RIN3: variants seen among roughly 807,000 people sequenced by gnomAD.
The protein encoded by RIN3 is RAB5 interacting protein 3.
RIN3 carries 54 observed loss-of-function variants against 76.3 expected under a neutral mutation model. The ratio of observed to expected loss-of-function variants is 0.71; its 90% CI spans 0.57 to 0.89. The LOEUF is 0.89. Ranked by LOEUF, RIN3 falls within the 40% of genes least tolerant of loss-of-function variation. RIN3 has a pLI of 0.00. For synonymous variants in RIN3, 576 were observed against 564.0 expected (o/e 1.02, Z -0.30); for missense variants, 1,256 against 1,322.1 (o/e 0.95, Z 0.78).
chr14:92,529,689 T>C (rs1244804949), intron 1 of RIN3, among the ~76,000 whole-genome samples: 1 of 152,236 alleles, frequency 6.6e-6, no homozygotes, highest in East Asian at 1.9e-4. Flanking sequence ...ACAAGTGTCC[T>C]TGTCGAGGTC....
intron 4 of RIN3, among the ~76,000 whole-genome samples, chr14:92,635,689 T>C (rs557395511): frequency 6.6e-6 from 1 of 151,896 alleles, no homozygotes; most frequent in African/African-American, 2.4e-5. Flanking sequence ...CCATCTCTAC[T>C]AAAAAATACA....
chr14:92,684,235 C>T (rs564000686), intron 8 of RIN3, among the ~76,000 whole-genome samples: 1 of 152,162 alleles, frequency 6.6e-6, no homozygotes, highest in East Asian at 1.9e-4. Flanking sequence ...CAAAAATTAG[C>T]CAGGCGTGGT....
At chr14:92,566,222 C>T (rs1897912329) in intron 2 of RIN3, among the ~76,000 whole-genome samples, 1 of 152,126 alleles carries the variant, frequency 6.6e-6, no homozygotes, top group Non-Finnish European at 1.5e-5. Flanking sequence ...CCTTCAGTTC[C>T]CACTGTGTTC....
At position 92,664,097 on chromosome 14, in the gene RIN3, C is replaced by T. The variant is rs187230503; in HGVS notation, c.2335+4628C>T. 2.5e-4 allele frequency among the ~76,000 whole-genome samples: 38 copies of T among 152,272 alleles called. No individual in the cohort carries two copies. The East Asian group carries it at 6.2e-3, about 25-fold the overall frequency. On this transcript the variant is annotated intron_variant, in intron 7 of 9. Coordinates refer to ENST00000216487, the MANE Select transcript of RIN3 (RefSeq NM_024832.5). ...CTCAGTGGTTTTCAAGATGGATTCC[C>T]CAAGGCACCCCAGGGGCCACCAAAG...
At chr14:92,593,265 A>G (rs970238606) in intron 3 of RIN3, among the ~76,000 whole-genome samples, 2 of 152,246 alleles carry the variant, frequency 1.3e-5, no homozygotes, top group Non-Finnish European at 2.9e-5. Context: ...GGGACCAAAG[A>G]ACAAGGACAA....
chr14:92,585,819 A>C (rs1348961590), intron 3 of RIN3, among the ~76,000 whole-genome samples: 1 of 152,084 alleles, frequency 6.6e-6, no homozygotes, highest in African/African-American at 2.4e-5. Flanking sequence ...GGGTTTCATC[A>C]TGTTGTGCAG....
At chr14:92,655,333 G>A (rs914618608) in intron 6 of RIN3, among the ~76,000 whole-genome samples, 3 of 152,230 alleles carry the variant, frequency 2.0e-5, no homozygotes, top group Non-Finnish European at 4.4e-5. Flanking sequence ...GGGCAACAGA[G>A]CGAGACTCTG....
In RIN3 at chr14:92,685,145, G is replaced by C. The variant is rs202129320; in HGVS notation, c.2626G>C (p.Val876Leu). Residue 876 changes from valine to leucine, a missense_variant, in exon 9 of 10, where the codon GTA becomes CTA. By Grantham distance (32) the Val-to-Leu change is conservative. Coordinates refer to ENST00000216487, the MANE Select transcript of RIN3 (RefSeq NM_024832.5). The surrounding 1 kb of genome is among the most constrained non-coding windows in gnomAD (Gnocchi z 4.7). ...CAAGGCCCGGGCCTCCCGCTCCTCC[G>C]TACAGGTGAGGCCTGAGAGCGGGAG... is the stretch of plus-strand genomic sequence containing the variant. ...LNKARASRSS[V>L]QDFICVSYLE... is the part of the protein sequence containing the mutation. 1.9e-6 allele frequency: 3 copies of C among 1,608,230 alleles called. No homozygotes were observed. Among genetic ancestry groups the C allele is most frequent in the East Asian group, 2.2e-5 (1 of 44,674 alleles).
rs150587675 is a variant in RIN3, at chr14:92,552,187, G to A, written c.45-3564G>A. On this transcript the variant is annotated intron_variant, in intron 1 of 9. Coordinates refer to ENST00000216487, the MANE Select transcript of RIN3 (RefSeq NM_024832.5). ...CATTGCAAGTTTTAGAGCAGGAAGG[G>A]ATGTGATCACAAGACAGTGAGATGT... Among the ~76,000 whole-genome samples the A allele has an allele frequency of 1.3e-3, 199 of 152,346 alleles. 2 individuals carry two copies. In the East Asian group the frequency reaches 0.033, roughly 25 times the overall value.
intron 3 of RIN3, among the ~76,000 whole-genome samples, chr14:92,584,269 C>A (rs1007070902): frequency 2.0e-5 from 3 of 152,202 alleles, no homozygotes; most frequent in Non-Finnish European, 4.4e-5. Context: ...TATTGCAATG[C>A]AGGCTGAAGG....
At chr14:92,539,017 C>T (rs1379179653) in intron 1 of RIN3, among the ~76,000 whole-genome samples, 1 of 152,064 alleles carries the variant, frequency 6.6e-6, no homozygotes, top group African/African-American at 2.4e-5. Context: ...GGCCTCAGCT[C>T]ATCCCAATAT....
At chr14:92,670,137 A>G (rs1165169536) in intron 7 of RIN3, among the ~76,000 whole-genome samples, 1 of 150,844 alleles carries the variant, frequency 6.6e-6, no homozygotes, top group Non-Finnish European at 1.5e-5. Flanking sequence ...TCTAATCTTC[A>G]CTGTCTGGGT....
intron 3 of RIN3, among the ~76,000 whole-genome samples, chr14:92,586,090 T>A (rs1458821983): frequency 3.3e-5 from 5 of 152,240 alleles, no homozygotes; most frequent in African/African-American, 1.2e-4. Flanking sequence ...ATGGGAACTC[T>A]GCAACACAGC....
At chr14:92,576,688 T>C (rs7153917) in intron 2 of RIN3, among the ~76,000 whole-genome samples, 26,904 of 152,160 alleles carry the variant, frequency 0.18, 2,485 homozygotes, top group Middle Eastern at 0.21. Context: ...CGTCCTGTTA[T>C]AATCAGAGAG....
chr14:92,649,629 G>A (rs1358414703), intron 5 of RIN3, among the ~76,000 whole-genome samples: 2 of 152,204 alleles, frequency 1.3e-5, no homozygotes, highest in Non-Finnish European at 2.9e-5. Flanking sequence ...AGGCATACAT[G>A]GAGGAGCCAT....
chr14:92,653,727 A>G (rs1887558690), intron 6 of RIN3, among the ~76,000 whole-genome samples: 2 of 152,230 alleles, frequency 1.3e-5, no homozygotes, highest in Non-Finnish European at 2.9e-5. Flanking sequence ...CGTATATTAA[A>G]AATATTCAGG....
intron 3 of RIN3, among the ~76,000 whole-genome samples, chr14:92,614,799 T>TTA (rs144127255): frequency 0.042 from 4,352 of 103,286 alleles, 76 homozygotes; most frequent in East Asian, 0.11. Flanking sequence ...TTAAACCTCT[T>TTA]TATATATATA....
chr14:92,638,864 G>C (rs11846904), intron 4 of RIN3, among the ~76,000 whole-genome samples: 15,548 of 152,170 alleles, frequency 0.1, 949 homozygotes, highest in African/African-American at 0.17. Flanking sequence ...ACCTGAGAAA[G>C]GGCCCAGAAC....
rs1319058512 is a variant in RIN3, at chr14:92,667,894, TAAAGAG to T, written c.2335+8427_2335+8432del. ...AATGGGGGGGCATCTGAAAGAGAGC[TAAAGAG>T]AGCTTTCCTTCTCCAAAAGGTTGTA... On this transcript the variant is annotated intron_variant, in intron 7 of 9. Coordinates refer to ENST00000216487, the MANE Select transcript of RIN3 (RefSeq NM_024832.5). 9.0e-4 allele frequency among the ~76,000 whole-genome samples: 92 copies of T among 102,554 alleles called. 1 individual carries two copies. In the South Asian group the frequency reaches 0.026, roughly 29 times the overall value. 67.3% of individuals were successfully genotyped at this position (102,554 alleles called of 152,430 possible).
Sources: allele counts gnomAD v4.1 joint callset (sites outside exome capture counted in the v4.1 genomes callset), GRCh38; gene constraint gnomAD v4.1.1; non-coding constraint Gnocchi (gnomAD v3.1); transcripts MANE v1.5; gene names NCBI Gene and HGNC (gene_info 2026-07-23, HGNC 2026-07-21).